RAB5A: variants seen among roughly 807,000 people sequenced by gnomAD.
The protein encoded by RAB5A is ras-related protein Rab-5A.
Under a neutral mutation model 25.7 loss-of-function variants are expected in RAB5A, and 8 were observed. The ratio of observed to expected loss-of-function variants is 0.31; its 90% CI spans 0.18 to 0.56. The LOEUF (loss-of-function observed/expected upper bound fraction) is 0.56, where lower values mean the gene tolerates loss of function less well. Ranked by LOEUF, RAB5A falls within the 20% of genes least tolerant of loss-of-function variation. The pLI, the probability that RAB5A is intolerant of heterozygous loss-of-function variation, is 0.91. For synonymous variants in RAB5A, 98 were observed against 89.8 expected (o/e 1.09, Z -0.52); for missense variants, 192 against 259.7 (o/e 0.74, Z 1.79).
chr3:19,975,070 A>G (rs1236838647), intron 2 of RAB5A, among the ~76,000 whole-genome samples: 1 of 152,174 alleles, frequency 6.6e-6, no homozygotes, highest in African/African-American at 2.4e-5. Flanking sequence ...TACTAAAACT[A>G]CAAAAATTAG....
At chr3:19,980,175 C>G (rs913772673) in intron 5 of RAB5A, 1 of 152,192 alleles carries the variant, frequency 6.6e-6, no homozygotes, top group African/African-American at 2.4e-5. Context: ...AGAATCACAT[C>G]TGAAAAGTTA....
At chr3:19,961,634 C>T (rs137986544) in intron 2 of RAB5A, among the ~76,000 whole-genome samples, 2 of 152,264 alleles carry the variant, frequency 1.3e-5, no homozygotes, top group East Asian at 3.9e-4. Flanking sequence ...TTTTAACTGC[C>T]TTTAATCAAA....
In RAB5A at chr3:19,984,788, C is replaced by T. The variant is rs1265262619; in HGVS notation, c.*965C>T. ...TATTTAAGAGTTGCTTAAAAGCATA[C>T]AAAATGTACTGTTACTAAAACAGCT... On this transcript the variant is annotated 3_prime_UTR_variant, in exon 6 of 6. Coordinates refer to ENST00000273047, the MANE Select transcript of RAB5A (RefSeq NM_004162.5). 1 of 153,010 alleles carries T rather than the reference C, an allele frequency of 6.5e-6. No homozygotes were observed. The highest frequency in any genetic ancestry group is 1.5e-5 in the Non-Finnish European group (1 of 68,392). The allele number at this position is 153,010 out of a possible 1,614,324, so 9.5% of individuals were successfully genotyped here. A position where few individuals can be genotyped will look rare whatever the true frequency, so the allele number is the denominator to read the frequency against.
rs570512703 is a variant in RAB5A, at chr3:19,954,257, C to T, written c.163+3196C>T. Among the ~76,000 whole-genome samples, 151 of 152,144 alleles carry T rather than the reference C, an allele frequency of 9.9e-4. 1 individual carries two copies. The highest frequency in any genetic ancestry group is 7.6e-4 in the Non-Finnish European group (52 of 68,022). ...CTCAGACTCCTGACCTCAAGTGATC[C>T]ACCTGCCTCGGCCTCCCAAAGTGCT... On this transcript the variant is annotated intron_variant, in intron 2 of 5. Transcript: ENST00000273047.
At chr3:19,956,121 C>T (rs558193831) in intron 2 of RAB5A, among the ~76,000 whole-genome samples, 10 of 152,166 alleles carry the variant, frequency 6.6e-5, no homozygotes, top group Non-Finnish European at 1.3e-4. Context: ...CACTGCTGCT[C>T]TCCTTTCTTG....
chr3:19,957,342 A>C (rs1329728078), intron 2 of RAB5A, among the ~76,000 whole-genome samples: 1 of 152,064 alleles, frequency 6.6e-6, no homozygotes, highest in Non-Finnish European at 1.5e-5. Flanking sequence ...TGTACTTGAA[A>C]ACTGCTAAAT....
Position 19,947,274 on chromosome 3 carries a change from G to GGCA in RAB5A, c.-339_-338insAGC. 4.8e-6 allele frequency: 1 copy of GGCA among 209,118 alleles called. No individual in the cohort carries two copies. Among genetic ancestry groups the GGCA allele is most frequent in the Non-Finnish European group, 9.1e-6 (1 of 109,506 alleles). The allele number at this position is 209,118 out of a possible 1,614,324, so 13.0% of individuals were successfully genotyped here. A position where few individuals can be genotyped will look rare whatever the true frequency, so the allele number is the denominator to read the frequency against. ...TAGTCGGAACTCCAGCGCCGGCGGC[G>GGCA]GCGGCGGCGGCGGAGGAGGAGAAAG... is the stretch of plus-strand genomic sequence containing the variant. On this transcript the variant is annotated 5_prime_UTR_variant, in exon 1 of 6. Coordinates refer to ENST00000273047, the MANE Select transcript of RAB5A (RefSeq NM_004162.5).
Position 19,984,178 on chromosome 3 carries a change from A to AC in RAB5A, c.*355_*356insC. 1 of 423,558 alleles carries AC rather than the reference A, an allele frequency of 2.4e-6. No homozygotes were observed. The highest frequency in any genetic ancestry group is 4.5e-6 in the Non-Finnish European group (1 of 220,880). The allele number at this position is 423,558 out of a possible 1,614,324, so 26.2% of individuals were successfully genotyped here. A position where few individuals can be genotyped will look rare whatever the true frequency, so the allele number is the denominator to read the frequency against. ...CTGGTACAGTAGTCACCTGTGAAAAAAAAATTGGAACTTACTAATTTGGGC... is the reference window on the plus strand; with the variant it reads ...CTGGTACAGTAGTCACCTGTGAAAAACAAAATTGGAACTTACTAATTTGGGC... On this transcript the variant is annotated 3_prime_UTR_variant, in exon 6 of 6. Transcript: ENST00000273047.
At chr3:19,959,625 A>ATTT (rs63289661) in intron 2 of RAB5A, among the ~76,000 whole-genome samples, 8 of 117,916 alleles carry the variant, frequency 6.8e-5, no homozygotes, top group Non-Finnish European at 8.3e-5. Flanking sequence ...TTGTGTTCTG[A>ATTT]TTTTTTTTTT....
chr3:19,976,754 A>G (rs986828330), intron 4 of RAB5A, among the ~76,000 whole-genome samples: 7 of 152,148 alleles, frequency 4.6e-5, no homozygotes, highest in African/African-American at 1.7e-4. Flanking sequence ...ATCCTGCCCT[A>G]ATTCCTCCAT....
intron 2 of RAB5A, among the ~76,000 whole-genome samples, chr3:19,974,723 A>AAAAAAAAAAG (rs974324469): frequency 4.7e-4 from 8 of 17,124 alleles, no homozygotes; most frequent in African/African-American, 2.2e-3. Context: ...TGTGTCTCAG[A>AAAAAAAAAAG]AAAAGAAAAA....
chr3:19,966,048 C>T (rs1390179943), intron 2 of RAB5A, among the ~76,000 whole-genome samples: 3 of 152,130 alleles, frequency 2.0e-5, no homozygotes, highest in African/African-American at 4.8e-5. Flanking sequence ...TTTAAAATTG[C>T]GGTAAAATAT....
chr3:19,971,209 A>AAAC (rs1553639422), intron 2 of RAB5A, among the ~76,000 whole-genome samples: 1 of 138,904 alleles, frequency 7.2e-6, no homozygotes, highest in Non-Finnish European at 1.7e-5. Flanking sequence ...AAAAAAAAAA[A>AAAC]AAAAAACACT....
Position 19,975,706 on chromosome 3 carries a change from A to G in RAB5A, c.269A>G (p.Tyr90Cys). 6.2e-7 allele frequency: 1 copy of G among 1,613,750 alleles called. No homozygotes were observed. Among genetic ancestry groups the G allele is most frequent in the Non-Finnish European group, 8.5e-7 (1 of 1,179,746 alleles). The stretch of plus-strand genomic sequence containing the variant: ...TACCATAGCCTAGCACCAATGTACT[A>G]CAGAGGAGCACAAGCAGCCATAGTT... ...ERYHSLAPMYYRGAQAAIVVY... is the reference protein window; with the variant it reads ...ERYHSLAPMYCRGAQAAIVVY... Residue 90 changes from tyrosine (Y) to cysteine (C), a missense_variant, in exon 3 of 6, where the codon TAC (tyrosine) becomes TGC (cysteine). Physicochemically the swap from Tyr to Cys is radical, Grantham distance 194. Transcript: ENST00000273047.
At chr3:19,958,037 A>G (rs147723444) in intron 2 of RAB5A, among the ~76,000 whole-genome samples, 2,030 of 152,230 alleles carry the variant, frequency 0.013, 26 homozygotes, top group Non-Finnish European at 0.018. Flanking sequence ...TATAATTATA[A>G]TCTGTGCATT....
At chr3:19,956,058 T>C (rs1222733822) in intron 2 of RAB5A, among the ~76,000 whole-genome samples, 4 of 152,030 alleles carry the variant, frequency 2.6e-5, no homozygotes, top group Non-Finnish European at 5.9e-5. Flanking sequence ...CAATCAAGAG[T>C]ATTCTGCTTT....
chr3:19,982,968 G>T (rs1013381278), intron 5 of RAB5A, among the ~76,000 whole-genome samples: 2 of 152,116 alleles, frequency 1.3e-5, no homozygotes, highest in Non-Finnish European at 1.5e-5. Context: ...TCTAGAGAAC[G>T]CTGATATGAG....
chr3:19,983,244 G>A (rs763408798), intron 5 of RAB5A, among the ~76,000 whole-genome samples: 1 of 149,934 alleles, frequency 6.7e-6, no homozygotes, highest in East Asian at 2.0e-4. Flanking sequence ...GCCAAGGCAC[G>A]AGAATCACTT....
chr3:19,956,052 C>G (rs889003660), intron 2 of RAB5A, among the ~76,000 whole-genome samples: 2 of 152,200 alleles, frequency 1.3e-5, no homozygotes, highest in East Asian at 3.9e-4. Flanking sequence ...TCTGTCCAAT[C>G]AAGAGTATTC....
Sources: gnomAD v4.1 joint callset for allele counts (sites outside exome capture counted in the v4.1 genomes callset) on GRCh38, gnomAD v4.1.1 for gene constraint, MANE v1.5 for transcripts, NCBI Gene and HGNC (gene_info 2026-07-23, HGNC 2026-07-21) for gene names.